FMNL2: variants seen among roughly 807,000 people sequenced by gnomAD.
FMNL2 encodes formin like 2.
Under a neutral mutation model 130.2 loss-of-function variants are expected in FMNL2, and 51 were observed. The observed-to-expected ratio is 0.39, with a 90% CI of 0.31 to 0.49. The LOEUF is 0.49. Among genes scored for constraint, FMNL2 ranks in the 20% least tolerant of loss-of-function variants. The pLI, the probability that FMNL2 is intolerant of heterozygous loss-of-function variation, is 0.85. For missense variants in FMNL2, 977 were observed against 1,316.2 expected (o/e 0.74, Z 3.99); for synonymous variants, 465 against 467.1 (o/e 1.00, Z 0.06).
At chr2:152,449,224 A>G (rs769879753) in intron 1 of FMNL2, among the ~76,000 whole-genome samples, 1 of 152,062 alleles carries the variant, frequency 6.6e-6, no homozygotes, top group Non-Finnish European at 1.5e-5. Context: ...TTCCGGAACT[A>G]TGGGATTTTT....
chr2:152,624,767 G>A (rs2105914815), intron 15 of FMNL2, among the ~76,000 whole-genome samples: 1 of 152,300 alleles, frequency 6.6e-6, no homozygotes, highest in Admixed American at 6.5e-5. Flanking sequence ...AGCCTGGGAG[G>A]TCAAGGCTGC....
intron 1 of FMNL2, among the ~76,000 whole-genome samples, chr2:152,376,354 A>T (rs946887458): frequency 2.0e-5 from 3 of 152,214 alleles, no homozygotes; most frequent in Non-Finnish European, 4.4e-5. Flanking sequence ...ATGTTTTCTT[A>T]GGAGCTACTC....
intron 1 of FMNL2, among the ~76,000 whole-genome samples, chr2:152,403,870 C>T (rs753915741): frequency 2.6e-4 from 39 of 152,170 alleles, no homozygotes; most frequent in Non-Finnish European, 4.4e-4. Context: ...GAGATTGAGA[C>T]CAACCTGGCC....
At chr2:152,631,919 T>C (rs951672880) in intron 20 of FMNL2, 89 bp from the exon 21 acceptor site, 1 of 1,418,068 alleles carries the variant, frequency 7.1e-7, no homozygotes, top group Admixed American at 2.3e-5. Flanking sequence ...ACTCAGTTAA[T>C]GACTCTGGGT....
At chr2:152,416,754 A>G (rs1050519458) in intron 1 of FMNL2, among the ~76,000 whole-genome samples, 17 of 152,242 alleles carry the variant, frequency 1.1e-4, no homozygotes, top group Admixed American at 1.0e-3. Context: ...ATTATACACT[A>G]TTGGGATGTT....
rs1682051050 is a variant in FMNL2, at chr2:152,629,906, G to A, written c.2550+1G>A. The A allele has an allele frequency of 6.2e-7, 1 of 1,602,622 alleles. No homozygotes were observed. On this transcript the variant is annotated splice_donor_variant, in intron 20 of 25. Coordinates refer to ENST00000288670, the MANE Select transcript of FMNL2 (RefSeq NM_052905.4). LOFTEE classifies it high-confidence loss of function. ...ATTTAAACTTCAGAGTTTAGATCTG[G>A]TGAGTGGACTAAAAGAAATTTGAGA...
At chr2:152,423,735 A>G (rs1220572711) in intron 1 of FMNL2, among the ~76,000 whole-genome samples, 1 of 152,138 alleles carries the variant, frequency 6.6e-6, no homozygotes, top group African/African-American at 2.4e-5. Context: ...ATTGGACCTC[A>G]GAGAGCTAGA....
At chr2:152,338,035 T>G (rs1487004515) in intron 1 of FMNL2, among the ~76,000 whole-genome samples, 1 of 151,808 alleles carries the variant, frequency 6.6e-6, no homozygotes, top group African/African-American at 2.4e-5. Context: ...TTTTTTTTTT[T>G]CTGGAGTTGT....
chr2:152,399,693 C>T (rs755667595), intron 1 of FMNL2, among the ~76,000 whole-genome samples: 3 of 152,094 alleles, frequency 2.0e-5, no homozygotes, highest in Non-Finnish European at 4.4e-5. Context: ...AGGGAGGGAA[C>T]TTGTATTGGT....
chr2:152,503,881 T>C (rs1389006118), intron 1 of FMNL2, among the ~76,000 whole-genome samples: 2 of 152,166 alleles, frequency 1.3e-5, no homozygotes, highest in Non-Finnish European at 2.9e-5. Flanking sequence ...GGGAACTGTT[T>C]ACACATTCCA....
chr2:152,522,966 G>C (rs1013139079), intron 2 of FMNL2, among the ~76,000 whole-genome samples: 2 of 152,042 alleles, frequency 1.3e-5, no homozygotes, highest in African/African-American at 4.8e-5. Flanking sequence ...TATGACTGTG[G>C]GGTGGTGTTG....
chr2:152,380,943 A>G (rs755022496), intron 1 of FMNL2, among the ~76,000 whole-genome samples: 1 of 152,152 alleles, frequency 6.6e-6, no homozygotes, highest in Non-Finnish European at 1.5e-5. Flanking sequence ...ATTTTCTCAT[A>G]AGCAAAATGG....
At chr2:152,537,136 T>A (rs1335662867) in intron 2 of FMNL2, among the ~76,000 whole-genome samples, 1 of 152,230 alleles carries the variant, frequency 6.6e-6, no homozygotes. Flanking sequence ...TAAGTCTGCC[T>A]GCCTGTGTCT....
chr2:152,571,496 A>G (rs989954341), intron 6 of FMNL2, among the ~76,000 whole-genome samples: 2 of 152,216 alleles, frequency 1.3e-5, no homozygotes, highest in African/African-American at 4.8e-5. Flanking sequence ...GTGAAGTTTC[A>G]TAATAGCTTC....
intron 7 of FMNL2, among the ~76,000 whole-genome samples, chr2:152,575,523 G>A (rs1484494173): frequency 2.0e-5 from 3 of 151,928 alleles, no homozygotes; most frequent in Non-Finnish European, 4.4e-5. Context: ...TAAATGCCAG[G>A]ATTTAACGAG....
intron 7 of FMNL2, chr2:152,578,678 G>T: frequency 2.5e-6 from 1 of 398,468 alleles, no homozygotes; most frequent in East Asian, 4.4e-5. Context: ...AGCTGGGACT[G>T]GAGGCACAAA....
intron 1 of FMNL2, among the ~76,000 whole-genome samples, chr2:152,511,515 T>G (rs187409483): frequency 1.4e-3 from 219 of 152,292 alleles, no homozygotes; most frequent in Non-Finnish European, 2.6e-3. Flanking sequence ...AAATATTCAT[T>G]TTTAAGACAA....
intron 3 of FMNL2, among the ~76,000 whole-genome samples, chr2:152,547,687 C>G (rs946888781): frequency 3.3e-5 from 5 of 152,188 alleles, no homozygotes; most frequent in Admixed American, 2.6e-4. Context: ...GGAATCCTTA[C>G]TTCCATCCTC....
At chr2:152,441,994 T>C (rs1688076258) in intron 1 of FMNL2, among the ~76,000 whole-genome samples, 1 of 152,062 alleles carries the variant, frequency 6.6e-6, no homozygotes, top group Non-Finnish European at 1.5e-5. Context: ...TTTTTTAAAA[T>C]AGGAAATGGT....
Sources: gnomAD v4.1 joint callset for allele counts (sites outside exome capture counted in the v4.1 genomes callset) on GRCh38, gnomAD v4.1.1 for gene constraint, MANE v1.5 for transcripts, NCBI Gene and HGNC (gene_info 2026-07-23, HGNC 2026-07-21) for gene names.